FBN3: variants seen among roughly 807,000 people sequenced by gnomAD.
FBN3 encodes the protein fibrillin 3, also known as fibrillin-3.
A neutral mutation model predicts 330.1 loss-of-function variants in FBN3; 234 were observed. The observed-to-expected ratio is 0.71, with a 90% CI of 0.64 to 0.79. The LOEUF (loss-of-function observed/expected upper bound fraction) is 0.79. FBN3 is among the 30% of genes least tolerant of loss of function. FBN3 has a pLI of 0.00. For missense variants in FBN3, 3,606 were observed against 3,886.9 expected, an observed-to-expected ratio of 0.93 and a Z score of 1.92; for synonymous variants, 1,458 against 1,517.3, an observed-to-expected ratio of 0.96 and a Z score of 0.91.
intron 51 of FBN3, 124 bp from the exon 52 acceptor site, chr19:8,088,303 G>T: frequency 8.3e-7 from 1 of 1,204,518 alleles, no homozygotes; most frequent in Non-Finnish European, 1.2e-6. Context: ...CCTCTAGTCT[G>T]GCTATGGGGC....
intron 57 of FBN3, among the ~76,000 whole-genome samples, chr19:8,082,001 T>A (rs2081800193): frequency 6.9e-6 from 1 of 144,152 alleles, no homozygotes; most frequent in Admixed American, 6.9e-5. Flanking sequence ...TCTCGTTTCA[T>A]CACCCAGGCT....
intron 58 of FBN3, 105 bp from the exon 59 acceptor site, chr19:8,081,224 A>G: frequency 6.7e-7 from 1 of 1,490,846 alleles, no homozygotes; most frequent in Non-Finnish European, 9.2e-7. Flanking sequence ...TGACAAGAGA[A>G]AGACCTCGGA....
Position 8,111,984 on chromosome 19 carries a change from T to C in FBN3, c.3954A>G (p.Glu1318=). The C allele has an allele frequency of 6.9e-7, 1 of 1,446,210 alleles. No homozygotes were observed. The highest frequency in any genetic ancestry group is 1.1e-5 in the South Asian group (1 of 87,228). The allele number at this position is 1,446,210 out of a possible 1,614,324, so 89.6% of individuals were successfully genotyped here. Residue 1318 remains glutamate (E), a synonymous_variant, in exon 31 of 64, where the codon GAA becomes GAG. Transcript: ENST00000600128. ...CLPGWVGDGF[E]CHDLDECVSQ... ...CTGCCCCCAGGTACTCACCGTGACA[T>C]TCGAAGCCATCCCCCACCCAGCCTG...
Position 8,086,371 on chromosome 19 carries a change from G to A in FBN3, c.6755-46C>T, listed in dbSNP as rs199555709. ...CAGGTGGGCGGGGAGGCCACAGGCAGCCAGCCTCTCCCACAGCCCCAAAGG... is the reference window on the plus strand; with the variant it reads ...CAGGTGGGCGGGGAGGCCACAGGCAACCAGCCTCTCCCACAGCCCCAAAGG... On this transcript the variant is annotated intron_variant, in intron 54 of 63. Coordinates refer to ENST00000600128, the MANE Select transcript of FBN3 (RefSeq NM_032447.5). 793 of 1,537,078 alleles carry A rather than the reference G, an allele frequency of 5.2e-4. 1 individual carries two copies. The highest frequency in any genetic ancestry group is 1.3e-3 in the South Asian group (111 of 82,480).
intron 41 of FBN3, among the ~76,000 whole-genome samples, chr19:8,099,696 T>C (rs2082286387): frequency 6.6e-6 from 1 of 152,054 alleles, no homozygotes; most frequent in Non-Finnish European, 1.5e-5. Flanking sequence ...AGGTGTTAAA[T>C]TATGCAATAC....
intron 59 of FBN3, among the ~76,000 whole-genome samples, chr19:8,080,786 A>T (rs2081760268): frequency 1.3e-5 from 2 of 151,848 alleles, no homozygotes; most frequent in African/African-American, 4.8e-5. Flanking sequence ...TGCCAGGCTA[A>T]TTTTTTTGTA....
intron 13 of FBN3, 28 bp downstream of exon 13, chr19:8,135,933 C>T (rs1282963993): frequency 7.2e-6 from 9 of 1,246,618 alleles, no homozygotes; most frequent in Non-Finnish European, 1.0e-5. Flanking sequence ...CCCGGAAGCC[C>T]CTGCCCACCC....
At chr19:8,091,703 A>G in intron 47 of FBN3, 113 bp from the exon 48 acceptor site, 2 of 1,248,206 alleles carry the variant, frequency 1.6e-6, no homozygotes, top group Non-Finnish European at 1.1e-6. Flanking sequence ...CAGGGGCTGC[A>G]GTGGGGCTGG....
chr19:8,147,791 C>G (rs1829716514), intron 1 of FBN3: 1 of 306,076 alleles, frequency 3.3e-6, no homozygotes, highest in East Asian at 5.5e-5. Context: ...TGGGGCCAGG[C>G]GTTGCAGGAG....
In FBN3 at chr19:8,129,885, C is replaced by G. The variant is rs2083083679; in HGVS notation, c.2045-520G>C. On this transcript the variant is annotated intron_variant, in intron 16 of 63. Transcript: ENST00000600128. This position sits in a 1 kb window ranked among gnomAD's most constrained non-coding sequence, Gnocchi z 4.5. The stretch of plus-strand genomic sequence containing the variant: ...CCAGCCTGGGCAACATAGCGAGACC[C>G]ATGTCTATAAAAAGCAATTTTTTTT... Among the ~76,000 whole-genome samples, 2 of 151,282 alleles carry G rather than the reference C, an allele frequency of 1.3e-5. No homozygotes were observed. The highest frequency in any genetic ancestry group is 1.3e-4 in the Admixed American group (2 of 15,200).
chr19:8,131,141 C>T lies in FBN3; in HGVS notation c.2044+94G>A. The T allele has an allele frequency of 1.6e-6, 2 of 1,250,992 alleles. No individual in the cohort carries two copies. Among genetic ancestry groups the T allele is most frequent in the African/African-American group, 1.5e-5 (1 of 67,934 alleles). The allele number at this position is 1,250,992 out of a possible 1,614,324, so 77.5% of individuals were successfully genotyped here. A position where few individuals can be genotyped will look rare whatever the true frequency, so the allele number is the denominator to read the frequency against. On this transcript the variant is annotated intron_variant, in intron 16 of 63. Coordinates refer to ENST00000600128, the MANE Select transcript of FBN3 (RefSeq NM_032447.5). This position sits in a 1 kb window ranked among gnomAD's most constrained non-coding sequence, Gnocchi z 4.5. Reference sequence around the variant, plus strand: ...GGTCTGGGGCACTTTGTTACGGGAACCCCGGGCCAACTCCTACAGCCTCCC... The same window carrying T: ...GGTCTGGGGCACTTTGTTACGGGAATCCCGGGCCAACTCCTACAGCCTCCC...
At chr19:8,075,215 G>A (rs768799159) in intron 60 of FBN3, 25 bp from the exon 61 acceptor site, 2 of 1,572,948 alleles carry the variant, frequency 1.3e-6, no homozygotes, top group Non-Finnish European at 1.7e-6. Flanking sequence ...GAGGGAGAGA[G>A]GGTTTACCAG....
Position 8,123,998 on chromosome 19 carries a change from C to T in FBN3, c.2742G>A (p.Leu914=). ...ASGRLCVDVR[L]EPCFLRWDED... ...CATCCCATCGCAGGAAACATGGTTC[C>T]AATCTCACATCTGCACGGGGGACAG... Residue 914 remains leucine, a synonymous_variant, in exon 23 of 64, where the codon TTG becomes TTA. Coordinates refer to ENST00000600128, the MANE Select transcript of FBN3 (RefSeq NM_032447.5). 1 of 1,613,582 alleles carries T rather than the reference C, an allele frequency of 6.2e-7. No homozygotes were observed. The highest frequency in any genetic ancestry group is 8.5e-7 in the Non-Finnish European group (1 of 1,179,850).
In FBN3 at chr19:8,088,186, G is replaced by A; in HGVS notation, c.6377-7C>T. On this transcript the variant is annotated splice_polypyrimidine_tract_variant and splice_region_variant and intron_variant, in intron 51 of 63. Transcript: ENST00000600128. ...ACAGAGCACTCGTCTGTGTCTGGGT[G>A]GGAGTAAGGGGGTGGTCAGCACCTG... is the stretch of plus-strand genomic sequence containing the variant. 1 of 1,583,110 alleles carries A rather than the reference G, an allele frequency of 6.3e-7. No homozygotes were observed. The highest frequency in any genetic ancestry group is 2.2e-5 in the East Asian group (1 of 44,500).
chr19:8,091,391 C>A, intron 48 of FBN3, 74 bp downstream of exon 48: 1 of 1,559,062 alleles, frequency 6.4e-7, no homozygotes, highest in Non-Finnish European at 8.7e-7. Flanking sequence ...GAAACCACAG[C>A]CCTCTTTTCT....
chr19:8,067,665 C>T (rs1568345017), intron 63 of FBN3, among the ~76,000 whole-genome samples: 1 of 152,060 alleles, frequency 6.6e-6, no homozygotes, highest in Non-Finnish European at 1.5e-5. Context: ...CTACTGAATT[C>T]CTGGCAATCT....
chr19:8,083,568 A>G (rs551730836), intron 56 of FBN3, among the ~76,000 whole-genome samples, 196 bp from the exon 57 acceptor site: 49 of 152,112 alleles, frequency 3.2e-4, no homozygotes, highest in Non-Finnish European at 5.4e-4. Flanking sequence ...GGACACGCCC[A>G]TGAAGCTTCC....
chr19:8,082,138 T>C (rs2144627278), intron 57 of FBN3, among the ~76,000 whole-genome samples: 1 of 152,036 alleles, frequency 6.6e-6, no homozygotes, highest in South Asian at 2.1e-4. Context: ...TTTTTTCTTT[T>C]TTTCTTTTTT....
At chr19:8,074,930 C>T (rs1041411227) in intron 61 of FBN3, 141 bp downstream of exon 61, 11 of 1,144,284 alleles carry the variant, frequency 9.6e-6, no homozygotes, top group Non-Finnish European at 1.3e-5. Flanking sequence ...CAGTGGGGAA[C>T]TCACTACCTT....
Sources: gnomAD v4.1 joint callset for allele counts (sites outside exome capture counted in the v4.1 genomes callset) on GRCh38, gnomAD v4.1.1 for gene constraint, Gnocchi (gnomAD v3.1) non-coding constraint, MANE v1.5 for transcripts, NCBI Gene and HGNC (gene_info 2026-07-23, HGNC 2026-07-21) for gene names.